The following RANBP2 variants were observed in gnomAD, a reference collection of about 807,000 sequenced individuals.
The protein encoded by RANBP2 is RAN binding protein 2.
Under a neutral mutation model 303.6 loss-of-function variants are expected in RANBP2, and 57 were observed. That is an observed-to-expected ratio of 0.19 (90% CI 0.15 to 0.23). The LOEUF (loss-of-function observed/expected upper bound fraction) is 0.23, where lower values mean the gene tolerates loss of function less well. RANBP2 is among the 10% of genes least tolerant of loss of function. The pLI, the probability that RANBP2 is intolerant of heterozygous loss-of-function variation, is 1.00. For missense variants in RANBP2, 3,138 were observed against 3,780.8 expected (o/e 0.83, Z 4.46); for synonymous variants, 1,167 against 1,301.5 (o/e 0.90, Z 2.23).
At chr2:109,498,274 G>A in the RANBP2 span, among the ~76,000 whole-genome samples, 1 of 152,122 alleles carries the variant, frequency 6.6e-6, no homozygotes, top group African/African-American at 2.4e-5. Context: ...GCTGGTATTC[G>A]GGACTGCGAC....
the RANBP2 span, among the ~76,000 whole-genome samples, chr2:109,238,808 C>G: frequency 6.6e-6 from 1 of 152,210 alleles, no homozygotes; most frequent in East Asian, 1.9e-4. Context: ...TGAAACCCGG[C>G]GAGGTGTGGT....
At chr2:109,545,647 C>T in the RANBP2 span, 1 of 1,500,552 alleles carries the variant, frequency 6.7e-7, no homozygotes, top group Non-Finnish European at 8.8e-7. Context: ...GTCTATAATT[C>T]CCCAACAAAG....
At chr2:109,164,273 C>G in the RANBP2 span, among the ~76,000 whole-genome samples, 1 of 152,060 alleles carries the variant, frequency 6.6e-6, no homozygotes, top group African/African-American at 2.4e-5. Flanking sequence ...GCCTCGGCCT[C>G]CTGGGCTCAA....
chr2:109,501,811 TG>T, the RANBP2 span: 3 of 610,178 alleles, frequency 4.9e-6, no homozygotes, highest in East Asian at 8.2e-5. Flanking sequence ...TGGCCCAGGG[TG>T]GGGGCCAGGG....
intron 26 of RANBP2, among the ~76,000 whole-genome samples, 185 bp from the exon 27 acceptor site, chr2:108,781,943 C>G (rs1678283921): frequency 6.6e-6 from 1 of 152,158 alleles, no homozygotes; most frequent in South Asian, 2.1e-4. Flanking sequence ...AATGATAAAT[C>G]AGGTCTTTAC....
chr2:108,981,401 G>A, the RANBP2 span, among the ~76,000 whole-genome samples: 2 of 152,168 alleles, frequency 1.3e-5, no homozygotes, highest in African/African-American at 4.8e-5. Flanking sequence ...TGTCTGGCGC[G>A]TCTTAGGTCT....
At chr2:108,823,424 G>A in the RANBP2 span, among the ~76,000 whole-genome samples, 4 of 152,320 alleles carry the variant, frequency 2.6e-5, no homozygotes, top group South Asian at 6.2e-4. Flanking sequence ...ACAGTCATGT[G>A]TTGCTTAACA....
chr2:108,781,131 A>G, intron 25 of RANBP2, 138 bp from the exon 26 acceptor site: 5 of 975,874 alleles, frequency 5.1e-6, no homozygotes, highest in Non-Finnish European at 6.1e-6. Context: ...GGAATTTACT[A>G]GAATAATATA....
At chr2:108,858,658 A>T in the RANBP2 span, among the ~76,000 whole-genome samples, 2 of 150,558 alleles carry the variant, frequency 1.3e-5, no homozygotes, top group South Asian at 2.1e-4. Flanking sequence ...GAGATTGGAA[A>T]CCCATTTTAC....
the RANBP2 span, among the ~76,000 whole-genome samples, chr2:109,280,960 G>C: frequency 3.4e-4 from 51 of 152,206 alleles, no homozygotes; most frequent in Non-Finnish European, 5.7e-4. Flanking sequence ...GGTTCCCTAG[G>C]TGGCAGTGGT....
chr2:108,768,650 C>T lies in RANBP2; in HGVS notation c.7849+262C>T, dbSNP rs550777861. Among the ~76,000 whole-genome samples, 6 of 152,252 alleles carry T rather than the reference C, an allele frequency of 3.9e-5. No homozygotes were observed. The East Asian group carries it at 5.8e-4, about 15-fold the overall frequency. ...GAGCAAAAGAACTCGGTACGGTATA[C>T]GGACTCATGCTTGAATCATGCACAT... On this transcript the variant is annotated intron_variant, in intron 20 of 28. Coordinates refer to ENST00000283195, the MANE Select transcript of RANBP2 (RefSeq NM_006267.5).
At chr2:109,639,667 C>T in the RANBP2 span, among the ~76,000 whole-genome samples, 1 of 151,454 alleles carries the variant, frequency 6.6e-6, no homozygotes, top group African/African-American at 2.4e-5. Flanking sequence ...AATCTCAAGG[C>T]TTTTCATAAA....
At chr2:109,062,846 G>T in the RANBP2 span, among the ~76,000 whole-genome samples, 1 of 151,576 alleles carries the variant, frequency 6.6e-6, no homozygotes, top group Non-Finnish European at 1.5e-5. Flanking sequence ...TGTGTTGGGG[G>T]CCCTGGGAGC....
chr2:109,734,543 G>C, the RANBP2 span, among the ~76,000 whole-genome samples: 2 of 152,114 alleles, frequency 1.3e-5, no homozygotes, highest in Admixed American at 1.3e-4. Context: ...ACTTACCACT[G>C]TTAAGATGTC....
At chr2:109,008,948 C>G in the RANBP2 span, among the ~76,000 whole-genome samples, 25 of 151,334 alleles carry the variant, frequency 1.7e-4, no homozygotes, top group South Asian at 2.1e-4. Context: ...GGATAGTTAC[C>G]TCTCCTTTAT....
the RANBP2 span, among the ~76,000 whole-genome samples, chr2:109,587,924 AC>A: frequency 6.6e-6 from 1 of 151,490 alleles, no homozygotes; most frequent in African/African-American, 2.4e-5. Context: ...AAAAAAAAAA[AC>A]AAAAACAAAC....
the RANBP2 span, among the ~76,000 whole-genome samples, chr2:109,590,887 AC>A: frequency 6.6e-6 from 1 of 152,206 alleles, no homozygotes; most frequent in Non-Finnish European, 1.5e-5. Flanking sequence ...AATTCTGCCA[AC>A]AACCAGAAAG....
At chr2:108,788,906 A>C, downstream of RANBP2, 2 of 1,614,154 alleles carry the variant, frequency 1.2e-6, no homozygotes, top group South Asian at 2.2e-5. Context: ...AAATATTCTG[A>C]TGAAAGCAAG....
intron 1 of RANBP2, among the ~76,000 whole-genome samples, chr2:108,727,600 A>C (rs1335150458): frequency 7.1e-6 from 1 of 139,958 alleles, no homozygotes; most frequent in Non-Finnish European, 1.5e-5. Flanking sequence ...TGGTTGTATC[A>C]GCATTTTTTT....
Sources: allele counts gnomAD v4.1 joint callset (sites outside exome capture counted in the v4.1 genomes callset), GRCh38; gene constraint gnomAD v4.1.1; transcripts MANE v1.5; gene names NCBI Gene and HGNC (gene_info 2026-07-23, HGNC 2026-07-21).